ROBO1: variants seen among roughly 807,000 people sequenced by gnomAD.
The protein encoded by ROBO1 is roundabout homolog 1.
A neutral mutation model predicts 195.9 loss-of-function variants in ROBO1; 149 were observed. The observed-to-expected ratio is 0.76, with a 90% CI of 0.67 to 0.87. ROBO1 has a LOEUF of 0.87. Ranked by LOEUF, ROBO1 falls within the 40% of genes least tolerant of loss-of-function variation. The pLI is 0.00. For missense variants in ROBO1, 1,933 were observed against 2,068.3 expected (o/e 0.93, Z 1.27); for synonymous variants, 816 against 733.2 (o/e 1.11, Z -1.82).
intron 2 of ROBO1, among the ~76,000 whole-genome samples, chr3:79,211,616 G>A (rs967964244): frequency 4.6e-5 from 7 of 152,294 alleles, no homozygotes; most frequent in African/African-American, 1.7e-4. Context: ...CTTTAAAGGA[G>A]GAATGCCTGG....
intron 14 of ROBO1, among the ~76,000 whole-genome samples, chr3:78,666,873 C>G (rs1707767784): frequency 6.6e-6 from 1 of 152,052 alleles, no homozygotes; most frequent in African/African-American, 2.4e-5. Flanking sequence ...TTAAAATAAC[C>G]AAGTCTATTT....
intron 1 of ROBO1, among the ~76,000 whole-genome samples, chr3:79,657,163 T>A (rs182477681): frequency 1.1e-3 from 167 of 152,150 alleles, no homozygotes; most frequent in Non-Finnish European, 2.0e-3. Flanking sequence ...CACATAGGAG[T>A]ACCCAATGGG....
chr3:78,795,442 C>T (rs1204683183), intron 4 of ROBO1, among the ~76,000 whole-genome samples: 1 of 152,130 alleles, frequency 6.6e-6, no homozygotes, highest in Non-Finnish European at 1.5e-5. Flanking sequence ...TAAGGGACAG[C>T]TTTGCATACA....
intron 2 of ROBO1, among the ~76,000 whole-genome samples, chr3:79,305,897 G>A (rs977829913): frequency 1.3e-5 from 2 of 152,002 alleles, no homozygotes; most frequent in South Asian, 2.1e-4. Flanking sequence ...AATTTTCAAC[G>A]TAATGTAAGT....
At chr3:79,414,311 T>C (rs909624811) in intron 2 of ROBO1, among the ~76,000 whole-genome samples, 10 of 151,656 alleles carry the variant, frequency 6.6e-5, no homozygotes, top group Admixed American at 5.3e-4. Context: ...GGCTTTGCTT[T>C]ATTATATTTT....
At chr3:79,468,006 A>G (rs1025732821) in intron 2 of ROBO1, among the ~76,000 whole-genome samples, 3 of 152,212 alleles carry the variant, frequency 2.0e-5, no homozygotes, top group Non-Finnish European at 2.9e-5. Context: ...GGTTCATGGA[A>G]TTCCTGTAAT....
At chr3:79,687,466 T>A (rs1947155097) in intron 1 of ROBO1, among the ~76,000 whole-genome samples, 1 of 152,122 alleles carries the variant, frequency 6.6e-6, no homozygotes, top group African/African-American at 2.4e-5. Context: ...TTTTTCGCAA[T>A]GTACTCATCT....
chr3:79,616,622 A>G (rs1944828847), intron 1 of ROBO1, among the ~76,000 whole-genome samples: 1 of 152,134 alleles, frequency 6.6e-6, no homozygotes, highest in Non-Finnish European at 1.5e-5. Flanking sequence ...GTGCAGATCA[A>G]TGAAAAAGGG....
intron 2 of ROBO1, among the ~76,000 whole-genome samples, chr3:79,206,758 T>G (rs959664756): frequency 6.6e-6 from 1 of 152,142 alleles, no homozygotes; most frequent in Non-Finnish European, 1.5e-5. Flanking sequence ...TGGAAATAAA[T>G]GATCAGATTC....
At chr3:78,779,708 G>T (rs1294925203) in intron 4 of ROBO1, among the ~76,000 whole-genome samples, 1 of 152,070 alleles carries the variant, frequency 6.6e-6, no homozygotes, top group African/African-American at 2.4e-5. Flanking sequence ...GATTCCTCAA[G>T]GATCTAGAAC....
intron 2 of ROBO1, among the ~76,000 whole-genome samples, chr3:79,348,450 A>T (rs1448894969): frequency 6.6e-6 from 1 of 152,154 alleles, no homozygotes; most frequent in Non-Finnish European, 1.5e-5. Context: ...AATGAGGCAA[A>T]GTCTTCCTCC....
intron 4 of ROBO1, among the ~76,000 whole-genome samples, chr3:78,801,280 G>A (rs965622308): frequency 3.3e-5 from 5 of 152,094 alleles, no homozygotes; most frequent in African/African-American, 1.2e-4. Flanking sequence ...CTAAAACTCT[G>A]TTCAAGGCAT....
chr3:79,707,453 C>T (rs1385291367), intron 1 of ROBO1, among the ~76,000 whole-genome samples: 1 of 152,110 alleles, frequency 6.6e-6, no homozygotes, highest in African/African-American at 2.4e-5. Flanking sequence ...CTTTTGCTCT[C>T]ATTGCTTTTT....
Position 79,211,954 on chromosome 3 carries a change from AG to A in ROBO1, c.89-86416del, listed in dbSNP as rs1224758094. On this transcript the variant is annotated intron_variant, in intron 2 of 30. Transcript: ENST00000464233. ...ATTTATTGACAGCAAGCTAGTGATA[AG>A]CATTGTTTCTATAGATTATAGATTA... Among the ~76,000 whole-genome samples, 5 of 152,352 alleles carry A rather than the reference AG, an allele frequency of 3.3e-5. No individual in the cohort carries two copies. In the East Asian group the frequency reaches 9.6e-4, roughly 29 times the overall value.
intron 3 of ROBO1, among the ~76,000 whole-genome samples, chr3:79,072,415 G>GA (rs2079105072): frequency 6.6e-6 from 1 of 151,756 alleles, no homozygotes; most frequent in Non-Finnish European, 1.5e-5. Flanking sequence ...GGGTGGATGT[G>GA]AAAAAAACCA....
chr3:79,111,517 C>T (rs1240738561), intron 3 of ROBO1, among the ~76,000 whole-genome samples: 1 of 152,060 alleles, frequency 6.6e-6, no homozygotes, highest in Non-Finnish European at 1.5e-5. Flanking sequence ...TTAAAAATTA[C>T]TCATTCACTT....
chr3:79,048,991 C>T (rs2108358453), intron 3 of ROBO1, among the ~76,000 whole-genome samples: 1 of 152,214 alleles, frequency 6.6e-6, no homozygotes, highest in South Asian at 2.1e-4. Flanking sequence ...ACCTCTTCTC[C>T]TCCAAAAGAT....
At chr3:79,690,087 C>T (rs1947255157) in intron 1 of ROBO1, among the ~76,000 whole-genome samples, 1 of 151,862 alleles carries the variant, frequency 6.6e-6, no homozygotes, top group Non-Finnish European at 1.5e-5. Context: ...CTTTCTTTTC[C>T]TATCATTTCC....
rs1217286484 is a variant in ROBO1 at position 78,881,312 on chromosome 3, G to A, written c.499+57289C>T. ...GTGTTACGGAGCCCCTCTTAAGTCC[G>A]CATTCCCCTTAGGGCATTCACCTCA... On this transcript the variant is annotated intron_variant, in intron 4 of 30. Coordinates refer to ENST00000464233, the MANE Select transcript of ROBO1 (RefSeq NM_002941.4). 2.0e-5 allele frequency among the ~76,000 whole-genome samples: 3 copies of A among 152,104 alleles called. 1 individual carries two copies. The highest frequency in any genetic ancestry group is 7.2e-5 in the African/African-American group (3 of 41,434).
Sources: gnomAD v4.1 joint callset for allele counts (sites outside exome capture counted in the v4.1 genomes callset) on GRCh38, gnomAD v4.1.1 for gene constraint, MANE v1.5 for transcripts, NCBI Gene and HGNC (gene_info 2026-07-23, HGNC 2026-07-21) for gene names.